Variants in MUTYH observed in about 807,000 individuals in gnomAD.
The protein encoded by MUTYH is mutY DNA glycosylase.
In MUTYH, 64 loss-of-function variants were observed where a neutral mutation model predicts 72.9. The ratio of observed to expected loss-of-function variants is 0.88; its 90% CI spans 0.72 to 1.08. MUTYH has a LOEUF of 1.08. Ranked by LOEUF, MUTYH falls within the 50% of genes least tolerant of loss-of-function variation. The probability of loss-of-function intolerance (pLI) is 0.00; values close to 1 mark genes in which losing one functional copy is unlikely to be tolerated. For missense variants in MUTYH, 633 were observed against 671.0 expected, an observed-to-expected ratio of 0.94 and a Z score of 0.63; for synonymous variants, 234 against 263.1, an observed-to-expected ratio of 0.89 and a Z score of 1.07.
rs371102235 is a variant in MUTYH, at chr1:45,332,579, C to T, written c.601G>A (p.Gly201Ser). 2.5e-6 allele frequency: 4 copies of T among 1,613,970 alleles called. No homozygotes were observed. Among genetic ancestry groups the T allele is most frequent in the South Asian group, 2.2e-5 (2 of 91,088 alleles). The change falls in exon 8 of 16, where the codon GGC (glycine) becomes AGC (serine). Residue 201 changes from glycine to serine, a missense_variant. Physicochemically the swap from Gly to Ser is moderately conservative, Grantham distance 56. Transcript: ENST00000456914. ...GGGGTGGGCTGTGAGATCACCTGGCCAAAGGCGATAGAGGCAATGGCCCCA... is the reference window on the plus strand; with the variant it reads ...GGGGTGGGCTGTGAGATCACCTGGCTAAAGGCGATAGAGGCAATGGCCCCA... ...TAGAIASIAF[G>S]QATGVVDGNV... is the part of the protein sequence containing the mutation.
chr1:45,331,096 CTT>C, intron 14 of MUTYH, 84 bp downstream of exon 14: 1 of 1,577,738 alleles, frequency 6.3e-7, no homozygotes, highest in Non-Finnish European at 8.7e-7. Context: ...AAAAAAAATG[CTT>C]TTTTTCCTGT....
chr1:45,332,991 G>A, intron 5 of MUTYH, 32 bp from the exon 6 acceptor site: 1 of 1,614,036 alleles, frequency 6.2e-7, no homozygotes. Flanking sequence ...AAGAGACAAG[G>A]TCAAGGGTGA....
In MUTYH at chr1:45,332,304, T is replaced by C. The variant is rs1219073496; in HGVS notation, c.711A>G (p.Leu237=). 1.2e-6 allele frequency: 2 copies of C among 1,614,104 alleles called. No homozygotes were observed. Among genetic ancestry groups the C allele is most frequent in the South Asian group, 1.1e-5 (1 of 91,082 alleles). ...STLVSQQLWG[L]AQQLVDPARP... ...GGGCTGGGTCCACCAGCTGCTGGGC[T>C]AGACCCCTAAAAGAAGGGAACACTG... Residue 237 remains leucine (L), a synonymous_variant, in exon 10 of 16, where the codon CTA becomes CTG. Coordinates refer to ENST00000456914, the MANE Select transcript of MUTYH (RefSeq NM_001048174.2).
At chr1:45,329,493 T>A in intron 15 of MUTYH, 56 bp from the exon 16 acceptor site, 1 of 1,602,840 alleles carries the variant, frequency 6.2e-7, no homozygotes, top group Non-Finnish European at 8.5e-7. Flanking sequence ...GAGCAGAGAA[T>A]CCTCTCCTTG....
intron 14 of MUTYH, 50 bp from the exon 15 acceptor site, chr1:45,330,607 T>G: frequency 6.4e-7 from 1 of 1,567,392 alleles, no homozygotes; most frequent in Non-Finnish European, 8.7e-7. Context: ...GCAAAAGAGA[T>G]AAACCGGTGT....
chr1:45,331,137 T>C lies in MUTYH; in HGVS notation c.1392+45A>G, dbSNP rs559055429. The C allele has an allele frequency of 7.3e-5, 118 of 1,611,272 alleles. 2 individuals carry two copies. The South Asian group carries it at 1.1e-3, about 15-fold the overall frequency. Reference sequence around the variant, plus strand: ...CACAGTAATATATTCATGTAGAACATGTAGGAAACACAAGGAAGTACAACA... The same window carrying C: ...CACAGTAATATATTCATGTAGAACACGTAGGAAACACAAGGAAGTACAACA... On this transcript the variant is annotated intron_variant, in intron 14 of 15. Coordinates refer to ENST00000456914, the MANE Select transcript of MUTYH (RefSeq NM_001048174.2).
In MUTYH at chr1:45,332,584, G is replaced by A. The variant is rs11545695; in HGVS notation, c.596C>T (p.Ala199Val). 1 of 1,614,106 alleles carries A rather than the reference G, an allele frequency of 6.2e-7. No individual in the cohort carries two copies. Among genetic ancestry groups the A allele is most frequent in the Non-Finnish European group, 8.5e-7 (1 of 1,180,002 alleles). ...GGGCTGTGAGATCACCTGGCCAAAG[G>A]CGATAGAGGCAATGGCCCCAGCTGT... The part of the protein sequence containing the change: ...RYTAGAIASI[A>V]FGQATGVVDG... The change falls in exon 8 of 16, where the codon GCC becomes GTC. Residue 199 changes from alanine (A) to valine (V), a missense_variant. Coordinates refer to ENST00000456914, the MANE Select transcript of MUTYH (RefSeq NM_001048174.2).
intron 1 of MUTYH, among the ~76,000 whole-genome samples, chr1:45,336,333 CA>C (rs1245833106): frequency 1.4e-4 from 22 of 152,202 alleles, no homozygotes; most frequent in Admixed American, 1.4e-3. Context: ...AACAGAAAAA[CA>C]GAATTTCTCT....
upstream of MUTYH, chr1:45,340,057 G>C (rs954131709): frequency 1.1e-5 from 17 of 1,542,820 alleles, no homozygotes; most frequent in Admixed American, 3.9e-5. Context: ...CGAGCCGGCA[G>C]CACAGGCCAA....
Position 45,329,437 on chromosome 1 carries a change from C to T in MUTYH, c.1435G>A (p.Gly479Ser). 2 of 1,613,398 alleles carry T rather than the reference C, an allele frequency of 1.2e-6. No homozygotes were observed. The highest frequency in any genetic ancestry group is 1.7e-6 in the Non-Finnish European group (2 of 1,179,768). The change falls in exon 16 of 16, where the codon GGT becomes AGT. Residue 479 changes from glycine to serine, a missense_variant and splice_region_variant. Gly to Ser is a moderately conservative substitution (Grantham distance 56). Transcript: ENST00000456914. Reference protein sequence around the residue: ...YQGQQPGTCMGSKRSQVSSPC... With the variant: ...YQGQQPGTCMSSKRSQVSSPC... ...GAGGACACCTGGGACCTTTTGGAAC[C>T]CTGTGAAAAAATGGAAGGAGGGAGG...
At chr1:45,340,139 T>A, upstream of MUTYH, 1 of 1,579,100 alleles carries the variant, frequency 6.3e-7, no homozygotes, top group Non-Finnish European at 8.6e-7. Flanking sequence ...GTTCGACCCA[T>A]CGGCGACCCG....
intron 12 of MUTYH, 41 bp downstream of exon 12, chr1:45,331,620 G>GTTAC: frequency 6.2e-7 from 1 of 1,613,278 alleles, no homozygotes; most frequent in Non-Finnish European, 8.5e-7. Context: ...ATTCTCTCTT[G>GTTAC]TTACTCATGC....
upstream of MUTYH, chr1:45,340,161 C>A: frequency 6.2e-7 from 1 of 1,602,752 alleles, no homozygotes; most frequent in African/African-American, 1.3e-5. Flanking sequence ...CGGCGAGACC[C>A]CGCCCCATCC....
At chr1:45,334,714 A>G (rs1352258884) in intron 1 of MUTYH, among the ~76,000 whole-genome samples, 1 of 152,200 alleles carries the variant, frequency 6.6e-6, no homozygotes, top group Admixed American at 6.5e-5. Context: ...AGTGGCCTCA[A>G]GGGGGCCGGC....
chr1:45,339,757 G>A (rs1646669068), intron 1 of MUTYH, 142 bp downstream of exon 1: 4 of 1,073,106 alleles, frequency 3.7e-6, no homozygotes, highest in East Asian at 5.9e-5. Context: ...CATCCTCTCT[G>A]GGAATTTACC....
In MUTYH at chr1:45,333,303, C is replaced by G. The variant is rs1297793272; in HGVS notation, c.286G>C (p.Asp96His). The change falls in exon 4 of 16, where the codon GAC becomes CAC. Residue 96 changes from aspartate (D) to histidine (H), a missense_variant. Transcript: ENST00000456914. Reference protein sequence around the residue: ...RRRAEDEMDLDRRAYAVWVSE... With the variant: ...RRRAEDEMDLHRRAYAVWVSE... ...TACTGACCAGCATATGCCCGCCTGT[C>G]CAGGTCCATCTCATCTTCTGCCTGT... 6.2e-7 allele frequency: 1 copy of G among 1,614,216 alleles called. No homozygotes were observed. The highest frequency in any genetic ancestry group is 8.5e-7 in the Non-Finnish European group (1 of 1,180,032).
At chr1:45,331,971 G>A (rs2149132198) in intron 11 of MUTYH, 52 bp downstream of exon 11, 2 of 1,613,572 alleles carry the variant, frequency 1.2e-6, no homozygotes, top group African/African-American at 2.7e-5. Context: ...CTGGAATGGG[G>A]CTTCTGACTG....
chr1:45,338,033 A>T (rs1332070539), intron 1 of MUTYH, among the ~76,000 whole-genome samples: 1 of 152,230 alleles, frequency 6.6e-6, no homozygotes, highest in Non-Finnish European at 1.5e-5. Flanking sequence ...AAAGCATTCT[A>T]AGTGAGTGCA....
chr1:45,329,521 C>A, intron 15 of MUTYH, 84 bp from the exon 16 acceptor site: 1 of 1,546,168 alleles, frequency 6.5e-7, no homozygotes. Context: ...TCCCTTTCCC[C>A]GACTCTACTG....
Sources: allele counts gnomAD v4.1 joint callset (sites outside exome capture counted in the v4.1 genomes callset), GRCh38; gene constraint gnomAD v4.1.1; transcripts MANE v1.5; gene names NCBI Gene and HGNC (gene_info 2026-07-23, HGNC 2026-07-21).